TRHDE: variants seen among roughly 807,000 people sequenced by gnomAD.
TRHDE encodes thyrotropin releasing hormone degrading enzyme.
In TRHDE, 72 loss-of-function variants were observed where a neutral mutation model predicts 125.7. The observed-to-expected ratio is 0.57, with a 90% confidence interval of 0.47 to 0.70. The LOEUF (loss-of-function observed/expected upper bound fraction) is 0.70. Among genes scored for constraint, TRHDE ranks in the 30% least tolerant of loss-of-function variants. The probability of loss-of-function intolerance (pLI) is 0.00; values close to 1 mark genes in which losing one functional copy is unlikely to be tolerated. For synonymous variants in TRHDE, 509 were observed against 509.1 expected (o/e 1.00, Z 0.00); for missense variants, 1,110 against 1,327.1 (o/e 0.84, Z 2.54).
chr12:72,511,181 TA>T (rs777212560), intron 6 of TRHDE, among the ~76,000 whole-genome samples: 5 of 152,144 alleles, frequency 3.3e-5, no homozygotes, highest in Non-Finnish European at 7.4e-5. Flanking sequence ...ATTAATAAAT[TA>T]AATTGGAGAA....
chr12:72,526,066 GA>G (rs1170159976), intron 6 of TRHDE, among the ~76,000 whole-genome samples: 1 of 151,870 alleles, frequency 6.6e-6, no homozygotes, highest in Non-Finnish European at 1.5e-5. Flanking sequence ...CATTTTTCCA[GA>G]AAAAAATTAT....
At chr12:72,388,122 C>T (rs1872503458) in intron 3 of TRHDE, among the ~76,000 whole-genome samples, 1 of 152,066 alleles carries the variant, frequency 6.6e-6, no homozygotes, top group African/African-American at 2.4e-5. Flanking sequence ...CAGGCCAAAC[C>T]CATTCCAACC....
At chr12:72,568,731 C>A in intron 10 of TRHDE, 75 bp downstream of exon 10, 2 of 1,011,172 alleles carry the variant, frequency 2.0e-6, no homozygotes, top group Non-Finnish European at 3.0e-6. Flanking sequence ...CTGGTTTCAG[C>A]TGTTATAAAA....
At chr12:72,271,183 T>C (rs1565678176), upstream of TRHDE, among the ~76,000 whole-genome samples, 1 of 152,210 alleles carries the variant, frequency 6.6e-6, no homozygotes, top group Non-Finnish European at 1.5e-5. Context: ...GGCCTTTACT[T>C]CCGGAGGATT....
At chr12:72,529,052 C>T (rs931788102) in intron 6 of TRHDE, among the ~76,000 whole-genome samples, 1 of 151,716 alleles carries the variant, frequency 6.6e-6, no homozygotes, top group Non-Finnish European at 1.5e-5. Context: ...TTTCATTTTT[C>T]CTCTGTCAGA....
chr12:72,150,588 C>T (rs1167251394), intron 2 of TRHDE, among the ~76,000 whole-genome samples: 16 of 137,590 alleles, frequency 1.2e-4, no homozygotes, highest in Non-Finnish European at 2.3e-4. Context: ...TTGATGTTCC[C>T]CTTTCTGTGT....
intron 12 of TRHDE, among the ~76,000 whole-genome samples, chr12:72,597,201 C>T (rs1296408425): frequency 6.6e-6 from 1 of 152,188 alleles, no homozygotes; most frequent in African/African-American, 2.4e-5. Flanking sequence ...CCGGAACTCA[C>T]TGATGTGAAA....
chr12:72,627,084 C>G (rs1565815062), intron 15 of TRHDE, among the ~76,000 whole-genome samples: 1 of 151,910 alleles, frequency 6.6e-6, no homozygotes, highest in Non-Finnish European at 1.5e-5. Flanking sequence ...GCAAAAAGAA[C>G]AGGGCTGCCC....
At chr12:72,607,448 G>GA (rs1297276333) in intron 12 of TRHDE, among the ~76,000 whole-genome samples, 1 of 151,982 alleles carries the variant, frequency 6.6e-6, no homozygotes, top group East Asian at 1.9e-4. Flanking sequence ...TTTTTTATGT[G>GA]AAAATGGAAT....
chr12:72,599,911 T>A (rs1383909131), intron 12 of TRHDE, among the ~76,000 whole-genome samples: 1 of 152,062 alleles, frequency 6.6e-6, no homozygotes, highest in South Asian at 2.1e-4. Flanking sequence ...CTTGACTTAA[T>A]TTTTTTGTAT....
chr12:72,542,399 C>A, intron 7 of TRHDE, 43 bp downstream of exon 7: 1 of 1,522,140 alleles, frequency 6.6e-7, no homozygotes, highest in Non-Finnish European at 9.0e-7. Flanking sequence ...TTTTCCTTGT[C>A]AATATATTTC....
chr12:72,550,942 G>C (rs1869644140), intron 7 of TRHDE, among the ~76,000 whole-genome samples: 1 of 151,754 alleles, frequency 6.6e-6, no homozygotes, highest in Non-Finnish European at 1.5e-5. Context: ...TATCATAAAT[G>C]AGACTATGAA....
chr12:72,627,847 ATT>A (rs71071845), intron 15 of TRHDE, among the ~76,000 whole-genome samples: 16 of 143,710 alleles, frequency 1.1e-4, no homozygotes, highest in African/African-American at 1.5e-4. Context: ...CACCTGGCTA[ATT>A]TTTTTTTTTT....
At chr12:72,527,441 C>T (rs1050666515) in intron 6 of TRHDE, among the ~76,000 whole-genome samples, 1 of 151,836 alleles carries the variant, frequency 6.6e-6, no homozygotes, top group Admixed American at 6.6e-5. Context: ...GCATGGAGAA[C>T]GTATACAAAA....
At chr12:72,314,265 C>T (rs771081136) in intron 2 of TRHDE, among the ~76,000 whole-genome samples, 1 of 72,140 alleles carries the variant, frequency 1.4e-5, no homozygotes. Context: ...CTTTTTTTTT[C>T]CTCTCTCTTT....
chr12:72,536,859 T>C (rs1431544983), intron 6 of TRHDE, among the ~76,000 whole-genome samples: 1 of 152,084 alleles, frequency 6.6e-6, no homozygotes, highest in Non-Finnish European at 1.5e-5. Flanking sequence ...CTATGTCCCA[T>C]TGAATTAGGT....
intron 2 of TRHDE, among the ~76,000 whole-genome samples, chr12:72,203,633 C>G (rs902509181): frequency 3.9e-5 from 6 of 152,182 alleles, no homozygotes; most frequent in Non-Finnish European, 7.3e-5. Context: ...ACACCACACA[C>G]CAGCACAGGC....
intron 2 of TRHDE, among the ~76,000 whole-genome samples, chr12:72,118,572 G>A (rs1275159390): frequency 3.3e-5 from 5 of 152,158 alleles, no homozygotes; most frequent in Non-Finnish European, 7.4e-5. Flanking sequence ...TGTAGAATAA[G>A]TTTGGCAGTA....
intron 2 of TRHDE, among the ~76,000 whole-genome samples, chr12:72,330,196 A>G (rs531320638): frequency 3.3e-5 from 5 of 152,188 alleles, no homozygotes; most frequent in Non-Finnish European, 7.3e-5. Flanking sequence ...CCAGCTGCTT[A>G]ACGGCCTGGC....
Sources: allele counts gnomAD v4.1 joint callset (sites outside exome capture counted in the v4.1 genomes callset), GRCh38; gene constraint gnomAD v4.1.1; transcripts MANE v1.5; gene names NCBI Gene and HGNC (gene_info 2026-07-23, HGNC 2026-07-21).